NFRKB: variants seen among roughly 807,000 people sequenced by gnomAD.
NFRKB encodes nuclear factor related to kappaB binding protein, also known as nuclear factor related to kappa-B-binding protein.
A neutral mutation model predicts 135.7 loss-of-function variants in NFRKB; 62 were observed. The observed-to-expected ratio is 0.46, with a 90% CI of 0.37 to 0.56. The LOEUF (loss-of-function observed/expected upper bound fraction) is 0.56. NFRKB is among the 20% of genes least tolerant of loss of function. NFRKB has a pLI of 0.00. For synonymous variants in NFRKB, 678 were observed against 635.6 expected (o/e 1.07, Z -1.00); for missense variants, 1,545 against 1,662.0 (o/e 0.93, Z 1.22).
Position 129,865,968 on chromosome 11 carries a change from G to C in NFRKB, c.3547C>G (p.Arg1183Gly), listed in dbSNP as rs772516254. The change falls in exon 25 of 27, where the codon CGG becomes GGG. Residue 1183 changes from arginine to glycine, a missense_variant. Physicochemically the swap from Arg to Gly is moderately radical, Grantham distance 125. Transcript: ENST00000682444. ...STSQAGKLPT[R>G]ITVPLSVISQ... Reference sequence around the variant, plus strand: ...ATCACAGAGAGGGGAACTGTGATCCGTGTAGGCAACTTCCCCTAGAAAAAA... The same window carrying C: ...ATCACAGAGAGGGGAACTGTGATCCCTGTAGGCAACTTCCCCTAGAAAAAA... 1.3e-6 allele frequency: 2 copies of C among 1,594,630 alleles called. No individual in the cohort carries two copies. The highest frequency in any genetic ancestry group is 1.3e-5 in the African/African-American group (1 of 74,106).
chr11:129,889,997 A>G, intron 3 of NFRKB, among the ~76,000 whole-genome samples: 1 of 137,364 alleles, frequency 7.3e-6, no homozygotes, highest in African/African-American at 2.9e-5. Context: ...CATTTTATAT[A>G]CGCTTCTGTG....
chr11:129,875,648 ACTT>A (rs1304581118), intron 17 of NFRKB, among the ~76,000 whole-genome samples, 185 bp from the exon 18 acceptor site: 15 of 114,874 alleles, frequency 1.3e-4, no homozygotes, highest in South Asian at 2.7e-4. Context: ...TTCCCTATAC[ACTT>A]CTTTTTTTTT....
intron 10 of NFRKB, 32 bp from the exon 11 acceptor site, chr11:129,882,226 A>C (rs1949062570): frequency 1.3e-6 from 2 of 1,564,154 alleles, no homozygotes; most frequent in Admixed American, 1.9e-5. Flanking sequence ...AAGAACCAAA[A>C]AGACCAAGAA....
intron 13 of NFRKB, among the ~76,000 whole-genome samples, chr11:129,880,693 A>C (rs574361390): frequency 6.6e-6 from 1 of 152,272 alleles, no homozygotes; most frequent in South Asian, 2.1e-4. Flanking sequence ...AATCTAAGTA[A>C]GTATTTCTTC....
chr11:129,873,817 T>C lies in NFRKB; in HGVS notation c.2478A>G (p.Thr826=), dbSNP rs1948632083. ...GCGGTCCTGCTGGCATCTGTGGCAATGTCTGTGCCGGCCCTCCCGACTGCT... is the reference window on the plus strand; with the variant it reads ...GCGGTCCTGCTGGCATCTGTGGCAACGTCTGTGCCGGCCCTCCCGACTGCT... ...VPQQSGGPAQ[T]LPQMPAGPQI... is the part of the protein sequence containing the mutation. The change falls in exon 22 of 27, where the codon ACA becomes ACG. Residue 826 remains threonine (T), a synonymous_variant. Coordinates refer to ENST00000682444, the MANE Select transcript of NFRKB (RefSeq NM_001143835.2). The C allele has an allele frequency of 6.2e-7, 1 of 1,614,068 alleles. No homozygotes were observed. The highest frequency in any genetic ancestry group is 1.7e-5 in the Admixed American group (1 of 59,998).
At chr11:129,882,008 C>T in intron 11 of NFRKB, 78 bp downstream of exon 11, 5 of 1,458,152 alleles carry the variant, frequency 3.4e-6, no homozygotes, top group Non-Finnish European at 4.6e-6. Flanking sequence ...CAGAGTTCCA[C>T]TTCTCAAGCT....
intron 11 of NFRKB, 46 bp from the exon 12 acceptor site, chr11:129,881,899 C>G: frequency 6.4e-7 from 1 of 1,550,916 alleles, no homozygotes; most frequent in Non-Finnish European, 8.7e-7. Context: ...CTCTTCCACA[C>G]CAGCAATTCC....
chr11:129,875,578 T>A, intron 17 of NFRKB, 115 bp from the exon 18 acceptor site: 2 of 690,390 alleles, frequency 2.9e-6, no homozygotes, highest in Non-Finnish European at 4.8e-6. Flanking sequence ...TCCTCTACCT[T>A]CCCTGATGCC....
intron 11 of NFRKB, 47 bp downstream of exon 11, chr11:129,882,039 A>C: frequency 6.6e-7 from 1 of 1,524,722 alleles, no homozygotes; most frequent in Non-Finnish European, 8.9e-7. Flanking sequence ...CAGGATTTGA[A>C]CACTTTGAAA....
In NFRKB at chr11:129,884,151, A is replaced by G; in HGVS notation, c.743-8T>C. On this transcript the variant is annotated splice_region_variant and splice_polypyrimidine_tract_variant and intron_variant, in intron 7 of 26. Coordinates refer to ENST00000682444, the MANE Select transcript of NFRKB (RefSeq NM_001143835.2). ...CCCCCAGTTCTACTTTATCTGAGAAAACAAACCAAACCATATTCACTATCA... is the reference window on the plus strand; with the variant it reads ...CCCCCAGTTCTACTTTATCTGAGAAGACAAACCAAACCATATTCACTATCA... The G allele has an allele frequency of 1.9e-6, 3 of 1,613,172 alleles. No individual in the cohort carries two copies. The highest frequency in any genetic ancestry group is 2.5e-6 in the Non-Finnish European group (3 of 1,179,114).
In NFRKB at chr11:129,878,457, A is replaced by G; in HGVS notation, c.1464+7T>C. On this transcript the variant is annotated splice_region_variant and intron_variant, in intron 14 of 26. Transcript: ENST00000682444. Reference sequence around the variant, plus strand: ...AGAAGGATCTGGTATTTCTTAAAAAAACATACCTTACAGAAGGCCTGATCT... The same window carrying G: ...AGAAGGATCTGGTATTTCTTAAAAAGACATACCTTACAGAAGGCCTGATCT... The G allele has an allele frequency of 6.2e-7, 1 of 1,613,888 alleles. No homozygotes were observed. The highest frequency in any genetic ancestry group is 8.5e-7 in the Non-Finnish European group (1 of 1,179,762).
At chr11:129,870,358 G>A in intron 23 of NFRKB, 97 bp from the exon 24 acceptor site, 2 of 1,383,966 alleles carry the variant, frequency 1.4e-6, no homozygotes, top group Non-Finnish European at 2.0e-6. Context: ...TAGATGTTTT[G>A]TATTTTTTTT....
chr11:129,869,196 A>G (rs1948369281), intron 24 of NFRKB, among the ~76,000 whole-genome samples: 1 of 152,190 alleles, frequency 6.6e-6, no homozygotes, highest in South Asian at 2.1e-4. Flanking sequence ...GTCAGGTTTT[A>G]TTTTGTCTGC....
At position 129,874,498 on chromosome 11, in the gene NFRKB, T is replaced by C. The variant is rs1483158863; in HGVS notation, c.2058+3A>G. The C allele has an allele frequency of 1.9e-6, 3 of 1,613,334 alleles. No individual in the cohort carries two copies. The highest frequency in any genetic ancestry group is 1.3e-5 in the African/African-American group (1 of 74,846). On this transcript the variant is annotated splice_donor_region_variant and intron_variant, in intron 20 of 26. Transcript: ENST00000682444. The surrounding 1 kb of genome is among the most constrained non-coding windows in gnomAD (Gnocchi z 4.5). Reference sequence around the variant, plus strand: ...GGGCAGACACTCTCCTGAAGTCACTTACCACCTTGGATGGGGGCTTGGGTT... The same window carrying C: ...GGGCAGACACTCTCCTGAAGTCACTCACCACCTTGGATGGGGGCTTGGGTT...
chr11:129,873,894 C>T lies in NFRKB; in HGVS notation c.2401G>A (p.Gly801Arg). Residue 801 changes from glycine to arginine, a missense_variant, in exon 22 of 27, where the codon GGA becomes AGA. By Grantham distance (125) the Gly-to-Arg change is moderately radical. Transcript: ENST00000682444. Reference sequence around the variant, plus strand: ...GCCACCACTCGCACCTGAGACAGTCCAGCAGAGCCAGAGTGGCTCACGACC... The same window carrying T: ...GCCACCACTCGCACCTGAGACAGTCTAGCAGAGCCAGAGTGGCTCACGACC... ...ARVVSHSGSA[G>R]LSQVRVVAQP... 2 of 1,614,016 alleles carry T rather than the reference C, an allele frequency of 1.2e-6. No homozygotes were observed.
In NFRKB at chr11:129,873,113, G is replaced by C; in HGVS notation, c.2551-17C>G. On this transcript the variant is annotated splice_polypyrimidine_tract_variant and intron_variant, in intron 22 of 26. Coordinates refer to ENST00000682444, the MANE Select transcript of NFRKB (RefSeq NM_001143835.2). ...CATTACTGTCTAGTTGAGGGCATGA[G>C]GCCAAGAGCTTAATTAGACTCTAAG... The C allele has an allele frequency of 6.4e-7, 1 of 1,568,642 alleles. No homozygotes were observed.
At chr11:129,869,191 GTTTTA>G (rs750138965) in intron 24 of NFRKB, among the ~76,000 whole-genome samples, 1 of 152,120 alleles carries the variant, frequency 6.6e-6, no homozygotes, top group African/African-American at 2.4e-5. Flanking sequence ...ACGTAGTCAG[GTTTTA>G]TTTTGTCTGC....
rs570141680 is a variant in NFRKB, at chr11:129,890,073, G to A, written c.136-1278C>T. Reference sequence around the variant, plus strand: ...TTAGAGTTCAGGCAATATTTGGCTAGATCAAGGACAGGGAGGGAGGTGGAG... The same window carrying A: ...TTAGAGTTCAGGCAATATTTGGCTAAATCAAGGACAGGGAGGGAGGTGGAG... On this transcript the variant is annotated intron_variant, in intron 3 of 26. Transcript: ENST00000682444. Among the ~76,000 whole-genome samples the A allele has an allele frequency of 5.5e-5, 8 of 146,504 alleles. No homozygotes were observed. The South Asian group carries it at 1.7e-3, about 32-fold the overall frequency.
In NFRKB at chr11:129,873,977, C is replaced by T; in HGVS notation, c.2318G>A (p.Gly773Glu). 2 of 1,612,812 alleles carry T rather than the reference C, an allele frequency of 1.2e-6. No individual in the cohort carries two copies. Among genetic ancestry groups the T allele is most frequent in the Non-Finnish European group, 1.7e-6 (2 of 1,180,012 alleles). The change falls in exon 22 of 27, where the codon GGA (glycine) becomes GAA (glutamate). Residue 773 changes from glycine (G) to glutamate (E), a missense_variant. Physicochemically the swap from Gly to Glu is moderately conservative, Grantham distance 98. This residue lies in a region of NFRKB where 753 missense variants were observed against 804.3 expected (regional missense o/e 0.94). Transcript: ENST00000682444. The part of the protein sequence containing the change: ...LVSSPTMPHL[G>E]TMLSPASSQT... ...GCTGGAAGCTGGGGAAAGCATTGTT[C>T]CCAGATGTGGCATTGTTGGTGAAGA...
Sources: gnomAD v4.1 joint callset for allele counts (sites outside exome capture counted in the v4.1 genomes callset) on GRCh38, gnomAD v4.1.1 for gene constraint, gnomAD v4.1.1 regional missense constraint, Gnocchi (gnomAD v3.1) non-coding constraint, MANE v1.5 for transcripts, NCBI Gene and HGNC (gene_info 2026-07-23, HGNC 2026-07-21) for gene names.